The following RBFOX1 variants were observed in gnomAD, a reference collection of about 807,000 sequenced individuals.
The protein encoded by RBFOX1 is RNA binding fox-1 homolog 1, also known as RNA binding protein fox-1 homolog 1.
RBFOX1 carries 8 observed loss-of-function variants against 57.7 expected under a neutral mutation model. The ratio of observed to expected loss-of-function variants is 0.14; its 90% CI spans 0.08 to 0.25. RBFOX1 has a LOEUF of 0.25. Among genes scored for constraint, RBFOX1 ranks in the 10% least tolerant of loss-of-function variants. The pLI is 1.00. For synonymous variants in RBFOX1, 326 were observed against 222.4 expected (o/e 1.47, Z -4.15); for missense variants, 611 against 548.5 (o/e 1.11, Z -1.14).
intron 4 of RBFOX1, among the ~76,000 whole-genome samples, chr16:7,104,082 C>G (rs927035127): frequency 2.6e-5 from 4 of 152,150 alleles, no homozygotes; most frequent in Non-Finnish European, 4.4e-5. Flanking sequence ...ATCCTGCAAT[C>G]CCACAGATGT....
At chr16:6,538,117 G>T (rs1299232004) in intron 2 of RBFOX1, among the ~76,000 whole-genome samples, 1 of 151,858 alleles carries the variant, frequency 6.6e-6, no homozygotes, top group African/African-American at 2.4e-5. Context: ...ACAATTCAAG[G>T]ACATTAGATT....
At chr16:7,633,424 AAT>A (rs1357358610) in intron 11 of RBFOX1, among the ~76,000 whole-genome samples, 1 of 152,210 alleles carries the variant, frequency 6.6e-6, no homozygotes, top group Non-Finnish European at 1.5e-5. Context: ...TTTTTATAAA[AAT>A]ATGTTAATGA....
chr16:5,764,403 C>G (rs1358144029), intron 3 of RBFOX1, among the ~76,000 whole-genome samples: 2 of 152,180 alleles, frequency 1.3e-5, no homozygotes, highest in Non-Finnish European at 2.9e-5. Flanking sequence ...TCTTGTAAAG[C>G]CTGCAGAACC....
chr16:6,478,417 ATATATATATATATT>A (rs1173120575), intron 2 of RBFOX1, among the ~76,000 whole-genome samples: 170 of 16,374 alleles, frequency 0.01, no homozygotes, highest in South Asian at 0.038. Context: ...ATATATATAT[ATATATATATATATT>A]TTTTTTTTTT....
In RBFOX1 at chr16:5,316,624, A is replaced by G. The variant is rs549541900; in HGVS notation, c.219+76519A>G. 2.6e-5 allele frequency among the ~76,000 whole-genome samples: 4 copies of G among 152,336 alleles called. No individual in the cohort carries two copies. The South Asian group carries it at 6.2e-4, about 24-fold the overall frequency. ...CATCTGTAAAAACTAGAATAAGAAT[A>G]CCTACTGTGATTGTTGATTTTGGGT... On this transcript the variant is annotated intron_variant, in intron 1 of 2. Coordinates refer to the RBFOX1 transcript ENST00000585867.
At chr16:7,337,072 T>C (rs931121431) in intron 4 of RBFOX1, among the ~76,000 whole-genome samples, 17 of 152,184 alleles carry the variant, frequency 1.1e-4, no homozygotes, top group Non-Finnish European at 2.2e-4. Context: ...CCAACGGGTC[T>C]TAGGTAAGAA....
chr16:5,738,077 A>C (rs773086229), intron 3 of RBFOX1, among the ~76,000 whole-genome samples: 1 of 149,466 alleles, frequency 6.7e-6, no homozygotes, highest in African/African-American at 2.5e-5. Context: ...TCATTGTTCA[A>C]CTCTCACTTA....
chr16:7,195,032 GTTC>G (rs956761481), intron 4 of RBFOX1, among the ~76,000 whole-genome samples: 2 of 144,398 alleles, frequency 1.4e-5, no homozygotes, highest in Admixed American at 6.9e-5. Context: ...GTTGTTTATT[GTTC>G]TTCTAATTCT....
At chr16:5,990,703 CACGCCTGTAATCG>C (rs2060377733) in intron 4 of RBFOX1, among the ~76,000 whole-genome samples, 1 of 150,290 alleles carries the variant, frequency 6.7e-6, no homozygotes, top group South Asian at 2.1e-4. Flanking sequence ...CACAGTGGCT[CACGCCTGTAATCG>C]CAACACTTCA....
chr16:5,915,253 C>T (rs898117588), intron 4 of RBFOX1, among the ~76,000 whole-genome samples: 17 of 152,196 alleles, frequency 1.1e-4, no homozygotes, highest in Admixed American at 9.2e-4. Flanking sequence ...AATTTGACTT[C>T]TGTCTTTGCT....
At chr16:5,395,774 C>T (rs577953473) in intron 1 of RBFOX1, among the ~76,000 whole-genome samples, 1 of 152,226 alleles carries the variant, frequency 6.6e-6, no homozygotes, top group Non-Finnish European at 1.5e-5. Flanking sequence ...CTTTCCACTG[C>T]TGACAGTGAA....
At chr16:7,707,074 C>T (rs938417938) in intron 14 of RBFOX1, among the ~76,000 whole-genome samples, 2 of 152,182 alleles carry the variant, frequency 1.3e-5, no homozygotes, top group Admixed American at 1.3e-4. Flanking sequence ...CTGACAGATT[C>T]ACCTCAGAAG....
intron 1 of RBFOX1, among the ~76,000 whole-genome samples, chr16:5,314,173 C>T (rs1199119351): frequency 1.3e-5 from 2 of 152,174 alleles, no homozygotes; most frequent in Middle Eastern, 3.2e-3. Context: ...AAAAATAAGT[C>T]ACTTGGCCCA....
At chr16:6,252,144 T>C (rs8049123) in intron 1 of RBFOX1, among the ~76,000 whole-genome samples, 90,827 of 151,806 alleles carry the variant, frequency 0.6, 29,674 homozygotes, top group East Asian at 0.82. Context: ...GGGAAGAGAA[T>C]GTTTTATCTG....
At chr16:5,363,775 G>A (rs972919066) in intron 1 of RBFOX1, among the ~76,000 whole-genome samples, 2 of 152,214 alleles carry the variant, frequency 1.3e-5, no homozygotes, top group Non-Finnish European at 2.9e-5. Context: ...TGTATTACCA[G>A]GGCCAGAAGG....
At chr16:5,650,136 C>G (rs921185331) in intron 3 of RBFOX1, among the ~76,000 whole-genome samples, 2 of 152,218 alleles carry the variant, frequency 1.3e-5, no homozygotes, top group African/African-American at 4.8e-5. Context: ...TCGACAGGGA[C>G]TCAACAGCCT....
intron 4 of RBFOX1, among the ~76,000 whole-genome samples, chr16:7,457,110 C>A (rs985896324): frequency 6.6e-6 from 1 of 151,984 alleles, no homozygotes. Context: ...TGGTCTCGAA[C>A]TCCTGACCTC....
intron 4 of RBFOX1, among the ~76,000 whole-genome samples, chr16:7,474,983 A>G (rs1278944685): frequency 6.6e-6 from 1 of 152,174 alleles, no homozygotes; most frequent in Non-Finnish European, 1.5e-5. Context: ...TGATTTTTGA[A>G]TGTCCCAGGA....
At position 6,954,950 on chromosome 16, in the gene RBFOX1, G is replaced by A. The variant is rs560662444; in HGVS notation, c.-15-97107G>A. Among the ~76,000 whole-genome samples the A allele has an allele frequency of 2.0e-5, 3 of 151,992 alleles. No homozygotes were observed. In the East Asian group the frequency reaches 5.8e-4, roughly 29 times the overall value. On this transcript the variant is annotated intron_variant, in intron 3 of 15. Transcript: ENST00000550418. ...TTTAGGCATCAAATTTAATATGAAG[G>A]CTGGGTGTGGTGGCTCGTGCCCATA... is the stretch of plus-strand genomic sequence containing the variant.
Sources: allele counts gnomAD v4.1 joint callset (sites outside exome capture counted in the v4.1 genomes callset), GRCh38; gene constraint gnomAD v4.1.1; transcripts MANE v1.5; gene names NCBI Gene and HGNC (gene_info 2026-07-23, HGNC 2026-07-21).